Variants in GLCCI1 observed in about 807,000 individuals in gnomAD.
GLCCI1 encodes glucocorticoid-induced transcript 1 protein.
GLCCI1 carries 24 observed loss-of-function variants against 52.2 expected under a neutral mutation model. The observed-to-expected ratio is 0.46, with a 90% CI of 0.33 to 0.65. The LOEUF (loss-of-function observed/expected upper bound fraction) is 0.65. Among genes scored for constraint, GLCCI1 ranks in the 30% least tolerant of loss-of-function variants. The pLI, the probability that GLCCI1 is intolerant of heterozygous loss-of-function variation, is 0.02. For missense variants in GLCCI1, 704 were observed against 701.5 expected, an observed-to-expected ratio of 1.00 and a Z score of -0.04; for synonymous variants, 310 against 276.5, an observed-to-expected ratio of 1.12 and a Z score of -1.20.
intron 3 of GLCCI1, among the ~76,000 whole-genome samples, chr7:8,054,219 T>C (rs1782333439): frequency 2.0e-5 from 3 of 152,160 alleles, no homozygotes; most frequent in Non-Finnish European, 2.9e-5. Context: ...TGTCTTGAGT[T>C]ATATTGATTA....
At chr7:8,070,841 T>A (rs1782745268) in intron 5 of GLCCI1, 80 bp from the exon 6 acceptor site, 1 of 1,265,568 alleles carries the variant, frequency 7.9e-7, no homozygotes, top group Non-Finnish European at 1.1e-6. Flanking sequence ...GAATATGAAA[T>A]CAAGGGAAAT....
At chr7:8,074,376 T>G (rs1233082298) in intron 6 of GLCCI1, among the ~76,000 whole-genome samples, 1 of 152,170 alleles carries the variant, frequency 6.6e-6, no homozygotes, top group African/African-American at 2.4e-5. Flanking sequence ...CTTCTTTATG[T>G]AAGGCCCAAA....
chr7:7,987,171 C>T (rs1004828429), intron 1 of GLCCI1, among the ~76,000 whole-genome samples: 1 of 152,178 alleles, frequency 6.6e-6, no homozygotes, highest in Non-Finnish European at 1.5e-5. Context: ...TCTCACTATC[C>T]TCCACTGTGT....
chr7:8,041,102 G>C (rs1781988937), intron 3 of GLCCI1, among the ~76,000 whole-genome samples: 1 of 152,172 alleles, frequency 6.6e-6, no homozygotes, highest in South Asian at 2.1e-4. Flanking sequence ...GAAAGGTCTT[G>C]AAGGAAATAA....
intron 1 of GLCCI1, among the ~76,000 whole-genome samples, chr7:7,972,319 GTGTA>G (rs1272624478): frequency 2.0e-5 from 3 of 150,582 alleles, no homozygotes; most frequent in Non-Finnish European, 1.5e-5. Context: ...GCACACTTCA[GTGTA>G]TGTGTGTGTG....
At chr7:8,050,257 G>C (rs1343676984) in intron 3 of GLCCI1, among the ~76,000 whole-genome samples, 1 of 152,104 alleles carries the variant, frequency 6.6e-6, no homozygotes, top group Non-Finnish European at 1.5e-5. Flanking sequence ...GTGCATGTTT[G>C]TGTGCATGTG....
intron 5 of GLCCI1, among the ~76,000 whole-genome samples, chr7:8,065,726 C>T (rs750172416): frequency 5.9e-5 from 9 of 152,180 alleles, no homozygotes; most frequent in African/African-American, 2.2e-4. Flanking sequence ...GTTGAACCAA[C>T]ATTGCATCCC....
intron 1 of GLCCI1, among the ~76,000 whole-genome samples, chr7:7,995,168 T>A (rs1225256408): frequency 6.6e-6 from 1 of 152,230 alleles, no homozygotes; most frequent in Non-Finnish European, 1.5e-5. Flanking sequence ...AAAGCAAATT[T>A]TGAGGGAAAA....
chr7:7,989,366 C>T (rs1780796313), intron 1 of GLCCI1, among the ~76,000 whole-genome samples: 1 of 152,110 alleles, frequency 6.6e-6, no homozygotes, highest in Admixed American at 6.5e-5. Context: ...ATGCAAGAGA[C>T]ACTCCATCAA....
intron 1 of GLCCI1, among the ~76,000 whole-genome samples, chr7:7,995,904 A>T (rs998034602): frequency 2.6e-5 from 4 of 152,186 alleles, no homozygotes. Context: ...GTATAATAAA[A>T]AAAATAAAAT....
At position 8,004,028 on chromosome 7, in the gene GLCCI1, A is replaced by C; in HGVS notation, c.578A>C (p.Tyr193Ser). 1 of 1,613,544 alleles carries C rather than the reference A, an allele frequency of 6.2e-7. No individual in the cohort carries two copies. The highest frequency in any genetic ancestry group is 1.3e-5 in the African/African-American group (1 of 74,992). ...GQWPRDPHVH[Y>S]PSCMKDKATQ... ...TGGCCACGGGATCCTCATGTTCACT[A>C]CCCTTCATGCATGAAAGACAAAGCT... Residue 193 changes from tyrosine (Y) to serine (S), a missense_variant, in exon 2 of 8, where the codon TAC becomes TCC. Physicochemically the swap from Tyr to Ser is moderately radical, Grantham distance 144. Around this residue, in one of 3 missense-constraint regions of GLCCI1, gnomAD observed 547 missense variants for 524.8 expected, o/e 1.04. Coordinates refer to ENST00000223145, the MANE Select transcript of GLCCI1 (RefSeq NM_138426.4).
intron 6 of GLCCI1, among the ~76,000 whole-genome samples, chr7:8,073,341 C>G (rs1192525490): frequency 6.6e-6 from 1 of 152,060 alleles, no homozygotes; most frequent in Non-Finnish European, 1.5e-5. Flanking sequence ...CCTTCCCTAG[C>G]CTAGTTTGTG....
intron 6 of GLCCI1, among the ~76,000 whole-genome samples, chr7:8,075,642 TATC>T (rs1309281136): frequency 6.6e-6 from 1 of 152,246 alleles, no homozygotes; most frequent in Non-Finnish European, 1.5e-5. Flanking sequence ...GTCAGCTACT[TATC>T]ATTGATCTTT....
chr7:8,025,422 A>G (rs1781595554), intron 3 of GLCCI1, among the ~76,000 whole-genome samples: 1 of 152,234 alleles, frequency 6.6e-6, no homozygotes, highest in Admixed American at 6.5e-5. Flanking sequence ...TAGAGTTAAA[A>G]AGGGCAATAA....
At chr7:8,004,169 C>A in intron 2 of GLCCI1, 110 bp downstream of exon 2, 4 of 990,998 alleles carry the variant, frequency 4.0e-6, no homozygotes, top group South Asian at 2.1e-5. Flanking sequence ...ATACATCCAA[C>A]CAAGGAAGAA....
intron 3 of GLCCI1, among the ~76,000 whole-genome samples, chr7:8,037,693 G>A (rs1781897446): frequency 6.6e-6 from 1 of 152,118 alleles, no homozygotes; most frequent in Admixed American, 6.5e-5. Context: ...AGGTAAAGGG[G>A]TGGAAAAAGA....
Position 8,086,206 on chromosome 7 carries a change from A to G in GLCCI1, c.1312A>G (p.Ile438Val). ...VFEEMASRQP[I>V]SAPLFSCPDK... ...TTATGGTTTTAGGTCTCGTCAGCCT[A>G]TCTCGGCCCCTCTCTTTTCATGTCC... Residue 438 changes from isoleucine (I) to valine (V), a missense_variant, in exon 8 of 8, where the codon ATC becomes GTC. Transcript: ENST00000223145. The surrounding 1 kb of genome is among the most constrained non-coding windows in gnomAD (Gnocchi z 4.4). The G allele has an allele frequency of 7.4e-6, 12 of 1,613,286 alleles. No individual in the cohort carries two copies. Among genetic ancestry groups the G allele is most frequent in the Non-Finnish European group, 1.0e-5 (12 of 1,179,722 alleles).
At chr7:7,977,791 C>G (rs1780525788) in intron 1 of GLCCI1, among the ~76,000 whole-genome samples, 2 of 152,074 alleles carry the variant, frequency 1.3e-5, no homozygotes, top group Admixed American at 1.3e-4. Context: ...ATATAAGGTA[C>G]TTTTATTAAC....
At chr7:8,005,655 A>T (rs58348680) in intron 2 of GLCCI1, among the ~76,000 whole-genome samples, 5,603 of 152,260 alleles carry the variant, frequency 0.037, 144 homozygotes, top group Non-Finnish European at 0.057. Context: ...ACAAACATAC[A>T]TATGTATGTA....
Sources: allele counts gnomAD v4.1 joint callset (sites outside exome capture counted in the v4.1 genomes callset), GRCh38; gene constraint gnomAD v4.1.1; regional missense constraint gnomAD v4.1.1; non-coding constraint Gnocchi (gnomAD v3.1); transcripts MANE v1.5; gene names NCBI Gene and HGNC (gene_info 2026-07-23, HGNC 2026-07-21).